RUSF1: variants seen among roughly 807,000 people sequenced by gnomAD.
RUSF1 encodes RUS family member 1.
A neutral mutation model predicts 63.0 loss-of-function variants in RUSF1; 58 were observed. The observed-to-expected ratio is 0.92, with a 90% CI of 0.75 to 1.15. The LOEUF (loss-of-function observed/expected upper bound fraction) is 1.15. RUSF1 is among the 50% of genes most tolerant of loss of function. The pLI is 0.00. For synonymous variants in RUSF1, 274 were observed against 255.8 expected, an observed-to-expected ratio of 1.07 and a Z score of -0.68; for missense variants, 652 against 611.0, an observed-to-expected ratio of 1.07 and a Z score of -0.71.
intron 6 of RUSF1, among the ~76,000 whole-genome samples, chr16:31,494,836 C>G (rs562665785): frequency 1.6e-4 from 25 of 152,168 alleles, no homozygotes; most frequent in African/African-American, 6.0e-4. Flanking sequence ...CACGCCTCTG[C>G]TAATTATTAC....
Position 31,503,731 on chromosome 16 carries a change from C to T in RUSF1, c.416-3000G>A, listed in dbSNP as rs148901773. ...AGGCTGGAGTGCAATGGCGCAATCT[C>T]GGCTCACCACAACCTCCGCCTACTA... On this transcript the variant is annotated intron_variant, in intron 2 of 12. Coordinates refer to ENST00000327237, the MANE Select transcript of RUSF1 (RefSeq NM_022744.4). Among the ~76,000 whole-genome samples, 281 of 152,290 alleles carry T rather than the reference C, an allele frequency of 1.8e-3. 1 individual carries two copies. Among genetic ancestry groups the T allele is most frequent in the African/African-American group, 6.3e-3 (261 of 41,560 alleles).
intron 2 of RUSF1, among the ~76,000 whole-genome samples, chr16:31,505,174 T>TCTGCTACA (rs749395522): frequency 6.6e-6 from 1 of 152,178 alleles, no homozygotes; most frequent in Non-Finnish European, 1.5e-5. Context: ...GCTCTGCTAC[T>TCTGCTACA]CTGCTACACT....
rs2082556394 is a variant in RUSF1, at chr16:31,490,506, G to A, written c.*329C>T. On this transcript the variant is annotated 3_prime_UTR_variant, in exon 13 of 13. Coordinates refer to ENST00000327237, the MANE Select transcript of RUSF1 (RefSeq NM_022744.4). ...CAATGCCCTGCTCATGATGGCAGTG[G>A]CCGTGTTCCTCTGGGGCTTCTATGC... The A allele has an allele frequency of 9.9e-6, 16 of 1,613,378 alleles. No individual in the cohort carries two copies. In the East Asian group the frequency reaches 3.3e-4, roughly 34 times the overall value.
Position 31,508,272 on chromosome 16 carries a change from C to T in RUSF1, c.102G>A (p.Trp34Ter). The T allele has an allele frequency of 6.4e-7, 1 of 1,570,780 alleles. No homozygotes were observed. Among genetic ancestry groups the T allele is most frequent in the East Asian group, 2.3e-5 (1 of 42,608 alleles). ...CCCACCAGCGCCAGCCCCCGACCTC[C>T]CACTGCAGGCTCCCGTCCGCGGCGG... is the stretch of plus-strand genomic sequence containing the variant. ...CRAAADGSLQ[W>*]EVGGWRWWGL... The change falls in exon 1 of 13, where the codon TGG becomes TGA. Residue 34 changes from tryptophan to a stop codon, truncating the protein, a stop_gained. Coordinates refer to ENST00000327237, the MANE Select transcript of RUSF1 (RefSeq NM_022744.4). LOFTEE classifies it high-confidence loss of function.
At chr16:31,507,906 A>T in intron 1 of RUSF1, 28 bp from the exon 2 acceptor site, 1 of 1,550,016 alleles carries the variant, frequency 6.5e-7, no homozygotes, top group Non-Finnish European at 8.7e-7. Flanking sequence ...TAGGGTGAGA[A>T]GCGGGCGTAG....
chr16:31,499,189 T>C, intron 5 of RUSF1, 113 bp downstream of exon 5: 1 of 987,360 alleles, frequency 1.0e-6, no homozygotes, highest in Non-Finnish European at 1.6e-6. Context: ...AGTAGAAACA[T>C]CTGAACTTTC....
At position 31,508,221 on chromosome 16, in the gene RUSF1, T is replaced by A; in HGVS notation, c.153A>T (p.Lys51Asn). ...WWGLSRAFTV[K>N]PEGRDAGEVG... is the part of the protein sequence containing the mutation. ...CTTCGCCCGCATCTCGTCCTTCAGG[T>A]TTGACCGTGAAGGCCCTGGAGAGCC... The change falls in exon 1 of 13, where the codon AAA becomes AAT. Residue 51 changes from lysine (K) to asparagine (N), a missense_variant. Physicochemically the swap from Lys to Asn is moderately conservative, Grantham distance 94. Transcript: ENST00000327237. The A allele has an allele frequency of 6.4e-7, 1 of 1,564,472 alleles. No individual in the cohort carries two copies. Among genetic ancestry groups the A allele is most frequent in the Non-Finnish European group, 8.7e-7 (1 of 1,154,726 alleles).
At chr16:31,495,023 G>C (rs909504051) in intron 6 of RUSF1, among the ~76,000 whole-genome samples, 3 of 152,108 alleles carry the variant, frequency 2.0e-5, no homozygotes, top group African/African-American at 7.2e-5. Flanking sequence ...AGCTCCTTTG[G>C]TATGCAGTAA....
rs1474631161 is a variant in RUSF1 at position 31,492,102 on chromosome 16, C to A, written c.1232-16G>T. The A allele has an allele frequency of 6.2e-7, 1 of 1,614,096 alleles. No individual in the cohort carries two copies. The highest frequency in any genetic ancestry group is 8.5e-7 in the Non-Finnish European group (1 of 1,179,978). On this transcript the variant is annotated splice_polypyrimidine_tract_variant and intron_variant, in intron 11 of 12. Transcript: ENST00000327237. ...TTCTTAGGACCTGGGTACGGGGGTG[C>A]AGAACCAGAAGCTCTGTGTCCTCCA...
Position 31,490,151 on chromosome 16 carries a change from G to A in RUSF1, c.*684C>T, listed in dbSNP as rs752061835. 3.1e-6 allele frequency: 5 copies of A among 1,614,170 alleles called. No homozygotes were observed. Among genetic ancestry groups the A allele is most frequent in the East Asian group, 2.2e-5 (1 of 44,876 alleles). On this transcript the variant is annotated 3_prime_UTR_variant, in exon 13 of 13. Transcript: ENST00000327237. Reference sequence around the variant, plus strand: ...TCCGGCATAGCAAGGAGGAACGGGAGGACCTGGATGCTGATGAGCAGCAAG... The same window carrying A: ...TCCGGCATAGCAAGGAGGAACGGGAAGACCTGGATGCTGATGAGCAGCAAG...
At position 31,490,509 on chromosome 16, in the gene RUSF1, G is replaced by A. The variant is rs764033463; in HGVS notation, c.*326C>T. On this transcript the variant is annotated 3_prime_UTR_variant, in exon 13 of 13. Transcript: ENST00000327237. ...TGCCCTGCTCATGATGGCAGTGGCC[G>A]TGTTCCTCTGGGGCTTCTATGCCTA... The A allele has an allele frequency of 1.2e-5, 19 of 1,613,050 alleles. No homozygotes were observed. The highest frequency in any genetic ancestry group is 5.3e-5 in the African/African-American group (4 of 74,938).
At position 31,489,517 on chromosome 16, in the gene RUSF1, G is replaced by T; in HGVS notation, c.*1318C>A. 1 of 653,494 alleles carries T rather than the reference G, an allele frequency of 1.5e-6. No homozygotes were observed. The highest frequency in any genetic ancestry group is 1.8e-5 in the South Asian group (1 of 55,966). The allele number at this position is 653,494 out of a possible 1,614,324, so 40.5% of individuals were successfully genotyped here. A position where few individuals can be genotyped will look rare whatever the true frequency, so the allele number is the denominator to read the frequency against. The stretch of plus-strand genomic sequence containing the variant: ...TTATTTAAATACATTTATTTGAACC[G>T]GCCTGGGGGAGGCTTGATGTTGATG... On this transcript the variant is annotated 3_prime_UTR_variant, in exon 13 of 13. Coordinates refer to ENST00000327237, the MANE Select transcript of RUSF1 (RefSeq NM_022744.4).
intron 6 of RUSF1, among the ~76,000 whole-genome samples, chr16:31,496,522 C>G (rs746295649): frequency 7.2e-5 from 11 of 152,228 alleles, no homozygotes; most frequent in Non-Finnish European, 1.5e-4. Context: ...AGTGACCCAG[C>G]AACCCCACAT....
Position 31,489,801 on chromosome 16 carries a change from CTG to C in RUSF1, c.*1032_*1033del, listed in dbSNP as rs1297486408. The C allele has an allele frequency of 4.3e-6, 2 of 464,376 alleles. No homozygotes were observed. The highest frequency in any genetic ancestry group is 8.0e-6 in the Non-Finnish European group (2 of 251,220). The allele number at this position is 464,376 out of a possible 1,614,324, so 28.8% of individuals were successfully genotyped here. On this transcript the variant is annotated 3_prime_UTR_variant, in exon 13 of 13. Transcript: ENST00000327237. ...GGTGGGAGCACACAGGCACAGAACA[CTG>C]TGAGCAGGACTGCCAGGCCAGTGTC...
In RUSF1 at chr16:31,490,405, A is replaced by C; in HGVS notation, c.*430T>G. On this transcript the variant is annotated 3_prime_UTR_variant, in exon 13 of 13. Transcript: ENST00000327237. ...GTGGGCAGTCCTCCGCCCCTTACCC[A>C]GGAGGAGGCAGCGGCAGCAGCCAGG... The C allele has an allele frequency of 2.5e-6, 4 of 1,613,648 alleles. No individual in the cohort carries two copies. Among genetic ancestry groups the C allele is most frequent in the Non-Finnish European group, 3.4e-6 (4 of 1,179,880 alleles).
chr16:31,497,402 C>T (rs1349263306), intron 5 of RUSF1, among the ~76,000 whole-genome samples: 1 of 152,138 alleles, frequency 6.6e-6, no homozygotes, highest in Non-Finnish European at 1.5e-5. Context: ...CCAGATCTCT[C>T]CCTCTGAGAT....
intron 4 of RUSF1, 37 bp from the exon 5 acceptor site, chr16:31,499,444 A>G (rs1457578563): frequency 1.2e-6 from 2 of 1,613,122 alleles, no homozygotes; most frequent in South Asian, 2.2e-5. Context: ...CAGAGGTAGG[A>G]GACTTTCATA....
rs1184052410 is a variant in RUSF1 at position 31,489,530 on chromosome 16, C to G, written c.*1305G>C. 3 of 635,454 alleles carry G rather than the reference C, an allele frequency of 4.7e-6. No individual in the cohort carries two copies. The highest frequency in any genetic ancestry group is 3.6e-5 in the African/African-American group (2 of 55,106). The allele number at this position is 635,454 out of a possible 1,614,324, so 39.4% of individuals were successfully genotyped here. On this transcript the variant is annotated 3_prime_UTR_variant, in exon 13 of 13. Coordinates refer to ENST00000327237, the MANE Select transcript of RUSF1 (RefSeq NM_022744.4). ...TTTATTTGAACCGGCCTGGGGGAGGCTTGATGTTGATGGGTTGGTGATTAA... is the reference window on the plus strand; with the variant it reads ...TTTATTTGAACCGGCCTGGGGGAGGGTTGATGTTGATGGGTTGGTGATTAA...
At chr16:31,501,409 A>ATGTT (rs2082632332) in intron 2 of RUSF1, among the ~76,000 whole-genome samples, 3 of 152,122 alleles carry the variant, frequency 2.0e-5, no homozygotes, top group Non-Finnish European at 4.4e-5. Flanking sequence ...AGCCTGGGCA[A>ATGTT]CACAGCAAGA....
Sources: gnomAD v4.1 joint callset for allele counts (sites outside exome capture counted in the v4.1 genomes callset) on GRCh38, gnomAD v4.1.1 for gene constraint, MANE v1.5 for transcripts, NCBI Gene and HGNC (gene_info 2026-07-23, HGNC 2026-07-21) for gene names.